Variants in CHMP3 observed in about 807,000 individuals in gnomAD.
The protein encoded by CHMP3 is 25.1 protein.
In CHMP3, 8 loss-of-function variants were observed where a neutral mutation model predicts 27.4. That is an observed-to-expected ratio of 0.29 (90% CI 0.17 to 0.53). The LOEUF (loss-of-function observed/expected upper bound fraction) is 0.53. Ranked by LOEUF, CHMP3 falls within the 20% of genes least tolerant of loss-of-function variation. The pLI, the probability that CHMP3 is intolerant of heterozygous loss-of-function variation, is 0.96. For missense variants in CHMP3, 208 were observed against 271.5 expected (o/e 0.77, Z 1.64); for synonymous variants, 86 against 85.5 (o/e 1.01, Z -0.03).
At chr2:86,510,238 T>TA (rs1675046200) in intron 4 of CHMP3, 120 bp downstream of exon 4, 7 of 1,442,200 alleles carry the variant, frequency 4.9e-6, no homozygotes, top group Non-Finnish European at 6.5e-6. Flanking sequence ...CTCCTTAAAA[T>TA]TAATTCTGTC....
chr2:86,543,751 T>C (rs965865979), intron 1 of CHMP3, among the ~76,000 whole-genome samples: 9 of 152,238 alleles, frequency 5.9e-5, no homozygotes, highest in African/African-American at 2.2e-4. Flanking sequence ...CTCTGTTTTT[T>C]ATTTAGGTTG....
At position 86,510,376 on chromosome 2, in the gene CHMP3, C is replaced by T. The variant is rs1317681802; in HGVS notation, c.390G>A (p.Leu130=). 1 of 1,612,158 alleles carries T rather than the reference C, an allele frequency of 6.2e-7. No individual in the cohort carries two copies. Among genetic ancestry groups the T allele is most frequent in the African/African-American group, 1.3e-5 (1 of 74,826 alleles). The part of the protein sequence containing the change: ...IPEIQATMRE[L]SKEMMKAGII... Reference sequence around the variant, plus strand: ...AAGTCACCTTCATCATTTCTTTGGACAACTCCCTCATGGTGGCCTGAATCT... The same window carrying T: ...AAGTCACCTTCATCATTTCTTTGGATAACTCCCTCATGGTGGCCTGAATCT... The change falls in exon 4 of 6, where the codon TTG becomes TTA. Residue 130 remains leucine (L), a synonymous_variant. Coordinates refer to ENST00000263856, the MANE Select transcript of CHMP3 (RefSeq NM_016079.4).
chr2:86,520,693 C>G (rs1334552906), intron 3 of CHMP3, among the ~76,000 whole-genome samples: 1 of 152,182 alleles, frequency 6.6e-6, no homozygotes, highest in Non-Finnish European at 1.5e-5. Context: ...CCCAAAGATC[C>G]ATACCTTGCA....
intron 5 of CHMP3, 56 bp from the exon 6 acceptor site, chr2:86,506,005 A>G (rs1674872490): frequency 1.0e-5 from 15 of 1,458,156 alleles, no homozygotes; most frequent in Admixed American, 2.3e-5. Context: ...CAGCCCCTCA[A>G]TCTTCCCTGC....
At chr2:86,555,881 T>G (rs1009526365) in intron 1 of CHMP3, among the ~76,000 whole-genome samples, 1 of 152,230 alleles carries the variant, frequency 6.6e-6, no homozygotes, top group African/African-American at 2.4e-5. Context: ...AGGACTCTTT[T>G]TCCAAATAAG....
intron 3 of CHMP3, among the ~76,000 whole-genome samples, chr2:86,521,142 G>A (rs931050664): frequency 2.0e-5 from 3 of 152,062 alleles, no homozygotes; most frequent in South Asian, 2.1e-4. Flanking sequence ...TAACTTCACC[G>A]CCTATCCCCA....
intron 4 of CHMP3, among the ~76,000 whole-genome samples, chr2:86,507,928 G>A (rs1337866772): frequency 6.6e-6 from 1 of 152,180 alleles, no homozygotes; most frequent in Non-Finnish European, 1.5e-5. Flanking sequence ...GCGCTGTTTT[G>A]GGAAGCATCT....
At chr2:86,507,064 A>G (rs1178901538) in intron 5 of CHMP3, 2 of 152,244 alleles carry the variant, frequency 1.3e-5, no homozygotes, top group Non-Finnish European at 2.9e-5. Flanking sequence ...CGGTCTTGCT[A>G]TGGTTGCCCA....
chr2:86,507,663 C>T, intron 4 of CHMP3, 70 bp from the exon 5 acceptor site: 1 of 1,341,976 alleles, frequency 7.5e-7, no homozygotes, highest in Admixed American at 1.7e-5. Flanking sequence ...TACACATCAC[C>T]TAGACCGAGC....
chr2:86,526,297 G>A (rs1294578122), intron 3 of CHMP3, among the ~76,000 whole-genome samples: 1 of 152,206 alleles, frequency 6.6e-6, no homozygotes, highest in African/African-American at 2.4e-5. Flanking sequence ...GCAAAGAAAA[G>A]AGAATGCTCG....
At chr2:86,511,718 G>C (rs1675114402) in intron 3 of CHMP3, 1 of 152,004 alleles carries the variant, frequency 6.6e-6, no homozygotes, top group African/African-American at 2.4e-5. Flanking sequence ...TTTGCATCCT[G>C]ATACATCCTT....
intron 1 of CHMP3, among the ~76,000 whole-genome samples, chr2:86,551,300 T>G (rs1287300855): frequency 6.7e-6 from 1 of 149,530 alleles, no homozygotes; most frequent in African/African-American, 2.5e-5. Context: ...TTTTTTGAGA[T>G]GGAGTCTCTC....
At chr2:86,520,235 T>G (rs1675469395) in intron 3 of CHMP3, among the ~76,000 whole-genome samples, 1 of 152,130 alleles carries the variant, frequency 6.6e-6, no homozygotes, top group South Asian at 2.1e-4. Flanking sequence ...TGAGACTGGG[T>G]TGTTTATAAA....
chr2:86,538,355 T>C (rs936492237), intron 2 of CHMP3, among the ~76,000 whole-genome samples: 22 of 152,166 alleles, frequency 1.4e-4, no homozygotes, highest in Non-Finnish European at 2.2e-4. Flanking sequence ...GTGGTGATGG[T>C]TGCACAACAT....
At chr2:86,560,425 TG>T (rs35702021) in intron 1 of CHMP3, among the ~76,000 whole-genome samples, 2 of 152,136 alleles carry the variant, frequency 1.3e-5, no homozygotes, top group Non-Finnish European at 2.9e-5. Context: ...TGGATGAAGC[TG>T]GAAACCATCA....
At chr2:86,542,211 C>A (rs1047996002) in intron 2 of CHMP3, 41 bp downstream of exon 2, 2 of 1,601,896 alleles carry the variant, frequency 1.2e-6, no homozygotes, top group African/African-American at 2.7e-5. Flanking sequence ...GCAAAATATA[C>A]CAAGAGGGTG....
At chr2:86,554,452 G>A (rs1008565321) in intron 1 of CHMP3, among the ~76,000 whole-genome samples, 5 of 152,156 alleles carry the variant, frequency 3.3e-5, no homozygotes, top group African/African-American at 4.8e-5. Context: ...CATAACTGGA[G>A]AAGATAAAGA....
Position 86,503,670 on chromosome 2 carries a change from T to C in CHMP3, c.*2134A>G, listed in dbSNP as rs1674783401. The C allele has an allele frequency of 6.6e-6, 1 of 152,210 alleles. No individual in the cohort carries two copies. The highest frequency in any genetic ancestry group is 6.5e-5 in the Admixed American group (1 of 15,282). 9.4% of individuals were successfully genotyped at this position (152,210 alleles called of 1,614,324 possible). On this transcript the variant is annotated 3_prime_UTR_variant, in exon 6 of 6. Transcript: ENST00000263856. The stretch of plus-strand genomic sequence containing the variant: ...ATGACATGGAGGAACCTTAATTGCA[T>C]ATTATTAAGTGAAAGAAGCCAGTCT...
At chr2:86,550,457 A>G (rs1676862260) in intron 1 of CHMP3, among the ~76,000 whole-genome samples, 1 of 151,754 alleles carries the variant, frequency 6.6e-6, no homozygotes. Flanking sequence ...AGAGGGAGAG[A>G]GAGAGGGGAG....
Sources: allele counts gnomAD v4.1 joint callset (sites outside exome capture counted in the v4.1 genomes callset), GRCh38; gene constraint gnomAD v4.1.1; transcripts MANE v1.5; gene names NCBI Gene and HGNC (gene_info 2026-07-23, HGNC 2026-07-21).